The following STAU2 variants were observed in gnomAD, a reference collection of about 807,000 sequenced individuals.
STAU2 encodes the protein staufen double-stranded RNA binding protein 2.
A neutral mutation model predicts 65.9 loss-of-function variants in STAU2; 20 were observed. The ratio of observed to expected loss-of-function variants is 0.30; its 90% CI spans 0.21 to 0.44. The LOEUF (loss-of-function observed/expected upper bound fraction) is 0.44. STAU2 is among the 20% of genes least tolerant of loss of function. The pLI, the probability that STAU2 is intolerant of heterozygous loss-of-function variation, is 1.00. For synonymous variants in STAU2, 232 were observed against 233.9 expected, an observed-to-expected ratio of 0.99 and a Z score of 0.07; for missense variants, 558 against 683.9, an observed-to-expected ratio of 0.82 and a Z score of 2.05.
intron 12 of STAU2, among the ~76,000 whole-genome samples, chr8:73,575,735 G>A (rs1809493352): frequency 6.6e-6 from 1 of 152,096 alleles, no homozygotes; most frequent in East Asian, 1.9e-4. Flanking sequence ...TTGAATTTGT[G>A]TGTGTATATA....
At chr8:73,599,049 C>G (rs1811430333) in intron 10 of STAU2, among the ~76,000 whole-genome samples, 1 of 152,162 alleles carries the variant, frequency 6.6e-6, no homozygotes, top group South Asian at 2.1e-4. Context: ...AGTATCAGTT[C>G]TCTTCAAATT....
intron 13 of STAU2, among the ~76,000 whole-genome samples, chr8:73,538,230 A>C (rs1466984782): frequency 6.6e-6 from 1 of 152,216 alleles, no homozygotes; most frequent in African/African-American, 2.4e-5. Flanking sequence ...TATCATTTTA[A>C]ATTTCCTGGT....
chr8:73,518,426 C>T (rs1360709202), intron 13 of STAU2, among the ~76,000 whole-genome samples: 2 of 152,152 alleles, frequency 1.3e-5, no homozygotes, highest in Non-Finnish European at 2.9e-5. Context: ...TATTTTAGGA[C>T]GTGCAGGCAA....
intron 11 of STAU2, chr8:73,590,614 A>G (rs1331439936): frequency 6.6e-6 from 1 of 152,220 alleles, no homozygotes; most frequent in African/African-American, 2.4e-5. Context: ...GGCCTCAACC[A>G]GGGCCCAAGG....
chr8:73,462,502 T>G (rs1219720125), intron 13 of STAU2, among the ~76,000 whole-genome samples: 1 of 152,004 alleles, frequency 6.6e-6, no homozygotes, highest in African/African-American at 2.4e-5. Flanking sequence ...CTCAAGCTGT[T>G]CTCCCACCTC....
At chr8:73,475,946 C>A (rs967601110) in intron 13 of STAU2, among the ~76,000 whole-genome samples, 2 of 152,134 alleles carry the variant, frequency 1.3e-5, no homozygotes, top group Non-Finnish European at 2.9e-5. Flanking sequence ...TGTAATGACA[C>A]TAAATGTTTA....
intron 6 of STAU2, among the ~76,000 whole-genome samples, chr8:73,627,216 GGGGGGGA>G (rs1813725376): frequency 6.3e-5 from 3 of 47,734 alleles, no homozygotes; most frequent in Admixed American, 3.4e-4. Context: ...GGCGGGGGGG[GGGGGGGA>G]GGGGGGGGCA....
chr8:73,503,812 A>G (rs879676954), intron 13 of STAU2, among the ~76,000 whole-genome samples: 14 of 152,062 alleles, frequency 9.2e-5, no homozygotes, highest in Non-Finnish European at 1.5e-4. Flanking sequence ...CCTAAATTTT[A>G]TACTGTTTCT....
chr8:73,686,961 C>T (rs1343241500), intron 5 of STAU2, among the ~76,000 whole-genome samples: 2 of 148,048 alleles, frequency 1.4e-5, no homozygotes, highest in Admixed American at 6.7e-5. Context: ...GGCGTGATCT[C>T]GGCTCACTGA....
At chr8:73,451,495 A>G (rs1818798961) in intron 13 of STAU2, among the ~76,000 whole-genome samples, 1 of 151,960 alleles carries the variant, frequency 6.6e-6, no homozygotes, top group Non-Finnish European at 1.5e-5. Context: ...AAAATATGTT[A>G]AGAGAGAGAA....
At chr8:73,724,941 G>GC (rs1317709655) in intron 3 of STAU2, among the ~76,000 whole-genome samples, 12 of 152,060 alleles carry the variant, frequency 7.9e-5, no homozygotes. Flanking sequence ...GCCAGCCTTG[G>GC]CCTCCCAAAG....
chr8:73,487,532 G>C lies in STAU2; in HGVS notation c.1530+64480C>G, dbSNP rs377334746. Among the ~76,000 whole-genome samples the C allele has an allele frequency of 7.2e-4, 109 of 152,186 alleles. 1 individual carries two copies. In the South Asian group the frequency reaches 0.022, roughly 30 times the overall value. On this transcript the variant is annotated intron_variant, in intron 13 of 14. Transcript: ENST00000524300. ...CAGAAGTGCCCTTCCATTTGATAAA[G>C]AGGGTGATAGGAGATCTTCTGGTTT...
chr8:73,743,393 A>G (rs1257373689), intron 1 of STAU2, among the ~76,000 whole-genome samples: 2 of 152,150 alleles, frequency 1.3e-5, no homozygotes, highest in Non-Finnish European at 2.9e-5. Context: ...CTAGGTTTAG[A>G]ACGGTTCATT....
At chr8:73,437,963 C>T (rs1302456249) in intron 13 of STAU2, among the ~76,000 whole-genome samples, 1 of 152,156 alleles carries the variant, frequency 6.6e-6, no homozygotes, top group East Asian at 1.9e-4. Context: ...CTGTGCTGGG[C>T]TCCTTTCTGT....
chr8:73,582,962 C>A lies in STAU2; in HGVS notation c.1162-132G>T. 4 of 708,792 alleles carry A rather than the reference C, an allele frequency of 5.6e-6. 1 individual carries two copies. In the South Asian group the frequency reaches 7.8e-5, roughly 14 times the overall value. The allele number at this position is 708,792 out of a possible 1,614,324, so 43.9% of individuals were successfully genotyped here. A position where few individuals can be genotyped will look rare whatever the true frequency, so the allele number is the denominator to read the frequency against. On this transcript the variant is annotated intron_variant, in intron 11 of 14. Transcript: ENST00000524300. The stretch of plus-strand genomic sequence containing the variant: ...TCTGCATATTATCTCTATCTTTGAC[C>A]CTGGGATGATGGCTACAAAAGAAAC...
chr8:73,484,234 T>C (rs1820795079), intron 13 of STAU2, among the ~76,000 whole-genome samples: 1 of 152,160 alleles, frequency 6.6e-6, no homozygotes, highest in Non-Finnish European at 1.5e-5. Flanking sequence ...GTCAAAAATT[T>C]GATATTTATG....
intron 13 of STAU2, among the ~76,000 whole-genome samples, chr8:73,459,842 C>T (rs1260369630): frequency 6.6e-6 from 1 of 152,204 alleles, no homozygotes; most frequent in African/African-American, 2.4e-5. Context: ...CTTGGTTCCG[C>T]ATCATCTGCT....
chr8:73,569,451 AAG>A (rs1200590579), intron 12 of STAU2, among the ~76,000 whole-genome samples: 1 of 152,024 alleles, frequency 6.6e-6, no homozygotes, highest in Non-Finnish European at 1.5e-5. Context: ...GACAGCTTTG[AAG>A]AGAGTAGTGG....
intron 13 of STAU2, among the ~76,000 whole-genome samples, chr8:73,509,179 C>G (rs1473603700): frequency 1.3e-5 from 2 of 152,124 alleles, no homozygotes; most frequent in Admixed American, 6.6e-5. Context: ...TTTTTGAGTA[C>G]AGTCATCTTA....
Sources: gnomAD v4.1 joint callset for allele counts (sites outside exome capture counted in the v4.1 genomes callset) on GRCh38, gnomAD v4.1.1 for gene constraint, MANE v1.5 for transcripts, NCBI Gene and HGNC (gene_info 2026-07-23, HGNC 2026-07-21) for gene names.